LIPK: variants seen among roughly 807,000 people sequenced by gnomAD.
LIPK encodes lipase member K.
Under a neutral mutation model 48.6 loss-of-function variants are expected in LIPK, and 32 were observed. That is an observed-to-expected ratio of 0.66 (90% CI 0.50 to 0.88). The LOEUF is 0.88. Among genes scored for constraint, LIPK ranks in the 40% least tolerant of loss-of-function variants. The pLI is 0.00. For synonymous variants in LIPK, 164 were observed against 157.4 expected (o/e 1.04, Z -0.32); for missense variants, 507 against 478.5 (o/e 1.06, Z -0.56).
intron 3 of LIPK, 85 bp downstream of exon 3, chr10:88,726,997 T>C (rs954135329): frequency 2.5e-6 from 2 of 791,746 alleles, no homozygotes; most frequent in Admixed American, 2.5e-5. Flanking sequence ...GTTTTTGTTC[T>C]GAAATTCTTA....
At chr10:88,743,375 T>C (rs527320113) in intron 9 of LIPK, 54 bp downstream of exon 9, 51 of 1,298,682 alleles carry the variant, frequency 3.9e-5, no homozygotes, top group Non-Finnish European at 5.3e-5. Context: ...CTAACAAAAA[T>C]AGTGTCTACT....
intron 1 of LIPK, among the ~76,000 whole-genome samples, chr10:88,713,085 G>A (rs1313079266): frequency 6.6e-6 from 1 of 152,174 alleles, no homozygotes; most frequent in Non-Finnish European, 1.5e-5. Context: ...GTATAGAGAG[G>A]TGGTTACATC....
rs978451722 is a variant in LIPK, at chr10:88,746,438, C to G, written c.960+3117C>G. Among the ~76,000 whole-genome samples the G allele has an allele frequency of 4.6e-5, 7 of 152,036 alleles. No homozygotes were observed. The East Asian group carries it at 7.7e-4, about 17-fold the overall frequency. On this transcript the variant is annotated intron_variant, in intron 9 of 9. Coordinates refer to ENST00000404190, the MANE Select transcript of LIPK (RefSeq NM_001080518.2). ...AATTATACTATGTACACTCATGAATCACAGTACAATAAAAGTAGAAATCAA... is the reference window on the plus strand; with the variant it reads ...AATTATACTATGTACACTCATGAATGACAGTACAATAAAAGTAGAAATCAA...
intron 1 of LIPK, among the ~76,000 whole-genome samples, chr10:88,716,700 G>C (rs1040740834): frequency 1.5e-4 from 23 of 152,090 alleles, no homozygotes; most frequent in Non-Finnish European, 2.6e-4. Context: ...AGATTGGGAG[G>C]ATACAGATTC....
intron 6 of LIPK, among the ~76,000 whole-genome samples, chr10:88,734,839 G>T (rs183167180): frequency 6.6e-6 from 1 of 152,190 alleles, no homozygotes; most frequent in Non-Finnish European, 1.5e-5. Context: ...CAACGTTTAG[G>T]TATATTTTTG....
At chr10:88,739,576 C>A (rs1842640024) in intron 7 of LIPK, among the ~76,000 whole-genome samples, 1 of 151,888 alleles carries the variant, frequency 6.6e-6, no homozygotes, top group East Asian at 1.9e-4. Context: ...GGAAAAGACG[C>A]CAGGTGCAGT....
intron 9 of LIPK, among the ~76,000 whole-genome samples, chr10:88,746,889 A>G (rs1158959579): frequency 6.6e-6 from 1 of 152,194 alleles, no homozygotes; most frequent in African/African-American, 2.4e-5. Context: ...TAAATAATAA[A>G]GAGAGAAGAT....
intron 9 of LIPK, among the ~76,000 whole-genome samples, chr10:88,744,634 C>G (rs1842737818): frequency 6.6e-6 from 1 of 152,166 alleles, no homozygotes; most frequent in African/African-American, 2.4e-5. Flanking sequence ...AAAGCCTCAT[C>G]CAAAGGACAG....
chr10:88,708,989 T>C (rs1590125655), intron 1 of LIPK, among the ~76,000 whole-genome samples: 1 of 152,192 alleles, frequency 6.6e-6, no homozygotes, highest in East Asian at 1.9e-4. Context: ...TTGTATATAA[T>C]TGTCCAAAGG....
intron 2 of LIPK, among the ~76,000 whole-genome samples, chr10:88,725,815 C>T (rs1436537682): frequency 6.6e-6 from 1 of 152,198 alleles, no homozygotes; most frequent in African/African-American, 2.4e-5. Flanking sequence ...TCTGACCCCT[C>T]TAGGCTCACT....
In LIPK at chr10:88,743,279, T is replaced by A. The variant is rs767930988; in HGVS notation, c.918T>A (p.Phe306Leu). The change falls in exon 9 of 10, where the codon TTT (phenylalanine) becomes TTA (leucine). Residue 306 changes from phenylalanine (F) to leucine (L), a missense_variant. By Grantham distance (22) the Phe-to-Leu change is conservative. Coordinates refer to ENST00000404190, the MANE Select transcript of LIPK (RefSeq NM_001080518.2). ...QAVNSGQLQA[F>L]DWGNSDQNMM... ...TTAATTCTGGTCAGCTCCAAGCTTT[T>A]GATTGGGGAAACTCTGATCAGAACA... 15 of 1,593,320 alleles carry A rather than the reference T, an allele frequency of 9.4e-6. No individual in the cohort carries two copies. The highest frequency in any genetic ancestry group is 1.2e-5 in the Non-Finnish European group (14 of 1,168,040).
intron 4 of LIPK, among the ~76,000 whole-genome samples, chr10:88,731,405 G>A (rs762615282): frequency 1.3e-4 from 20 of 152,076 alleles, no homozygotes; most frequent in Non-Finnish European, 2.6e-4. Context: ...TGGTGTCTGC[G>A]TGTGAGTGAG....
chr10:88,751,268 T>G (rs896176181), intron 9 of LIPK, among the ~76,000 whole-genome samples: 1 of 152,200 alleles, frequency 6.6e-6, no homozygotes, highest in African/African-American at 2.4e-5. Context: ...CCAATAATGA[T>G]TTTGGCTTCT....
rs754642369 is a variant in LIPK, at chr10:88,732,516, A to G, written c.634A>G (p.Lys212Glu). 1.2e-6 allele frequency: 2 copies of G among 1,612,404 alleles called. No individual in the cohort carries two copies. Among genetic ancestry groups the G allele is most frequent in the Non-Finnish European group, 1.7e-6 (2 of 1,179,496 alleles). ...VTVKYTQSPM[K>E]KLTTLSRRVV... is the part of the protein sequence containing the mutation. ...AGTTAAATACACCCAAAGTCCTATGAAAAAACTAACAACCCTTTCCAGGCG... is the reference window on the plus strand; with the variant it reads ...AGTTAAATACACCCAAAGTCCTATGGAAAAACTAACAACCCTTTCCAGGCG... Residue 212 changes from lysine (K) to glutamate (E), a missense_variant, in exon 6 of 10, where the codon AAA becomes GAA. Transcript: ENST00000404190.
In LIPK at chr10:88,726,898, G is replaced by A; in HGVS notation, c.209G>A (p.Cys70Tyr). The A allele has an allele frequency of 6.4e-7, 1 of 1,573,888 alleles. No individual in the cohort carries two copies. The highest frequency in any genetic ancestry group is 1.1e-5 in the South Asian group (1 of 88,358). Residue 70 changes from cysteine (C) to tyrosine (Y), a missense_variant, in exon 3 of 10, where the codon TGC (cysteine) becomes TAC (tyrosine). By Grantham distance (194) the Cys-to-Tyr change is radical. Transcript: ENST00000404190. The stretch of plus-strand genomic sequence containing the variant: ...TATAGGATTCCACATGGAAGAGGAT[G>A]CCCAGGGAGGACAGGTATTATTTAT... ...GIYRIPHGRG[C>Y]PGRTAPKPAV...
intron 6 of LIPK, among the ~76,000 whole-genome samples, chr10:88,737,068 T>G (rs540850387): frequency 3.7e-4 from 57 of 152,326 alleles, no homozygotes; most frequent in Non-Finnish European, 7.4e-4. Context: ...TGGGTTAAGC[T>G]TTTGTCATAG....
intron 7 of LIPK, among the ~76,000 whole-genome samples, chr10:88,739,113 T>G (rs891197208): frequency 6.6e-6 from 1 of 152,236 alleles, no homozygotes; most frequent in African/African-American, 2.4e-5. Context: ...TGTTTTGTTT[T>G]TGTTTTTGTT....
intron 1 of LIPK, among the ~76,000 whole-genome samples, chr10:88,723,001 C>T (rs1259739159): frequency 6.6e-6 from 1 of 150,714 alleles, no homozygotes; most frequent in Non-Finnish European, 1.5e-5. Context: ...CCTCTCACCT[C>T]AGCCCCATGA....
At chr10:88,709,661 C>T (rs1173029803) in intron 1 of LIPK, among the ~76,000 whole-genome samples, 5 of 151,182 alleles carry the variant, frequency 3.3e-5, no homozygotes, top group African/African-American at 1.2e-4. Context: ...GCAAAGAATT[C>T]GAAACCGACT....
Sources: gnomAD v4.1 joint callset for allele counts (sites outside exome capture counted in the v4.1 genomes callset) on GRCh38, gnomAD v4.1.1 for gene constraint, MANE v1.5 for transcripts, NCBI Gene and HGNC (gene_info 2026-07-23, HGNC 2026-07-21) for gene names.